The following GIN1 variants were observed in gnomAD, a reference collection of about 807,000 sequenced individuals.
GIN1 encodes the protein gypsy retrotransposon integrase-like protein 1.
In GIN1, 41 loss-of-function variants were observed where a neutral mutation model predicts 51.4. That is an observed-to-expected ratio of 0.80 (90% CI 0.62 to 1.04). The LOEUF is 1.04. Among genes scored for constraint, GIN1 ranks in the 50% least tolerant of loss-of-function variants. The pLI, the probability that GIN1 is intolerant of heterozygous loss-of-function variation, is 0.00. For synonymous variants in GIN1, 222 were observed against 206.5 expected, an observed-to-expected ratio of 1.07 and a Z score of -0.64; for missense variants, 610 against 612.4, an observed-to-expected ratio of 1.00 and a Z score of 0.04.
chr5:103,107,214 A>G lies in GIN1; in HGVS notation c.140-305T>C, dbSNP rs868911445. On this transcript the variant is annotated intron_variant, in intron 2 of 7. Coordinates refer to ENST00000399004, the MANE Select transcript of GIN1 (RefSeq NM_017676.2). ...AAATATGAAATTATCTCTCTCTGGG[A>G]GTACTCAAAGTAGGAAGATTTTGCA... Among the ~76,000 whole-genome samples the G allele has an allele frequency of 2.0e-5, 3 of 152,086 alleles. No individual in the cohort carries two copies. The South Asian group carries it at 6.2e-4, about 32-fold the overall frequency.
At chr5:103,097,282 T>C (rs1787428793) in intron 6 of GIN1, 32 bp downstream of exon 6, 5 of 1,327,736 alleles carry the variant, frequency 3.8e-6, no homozygotes, top group Non-Finnish European at 5.3e-6. Context: ...TATAAAGTTT[T>C]AGATTACAGT....
Position 103,088,005 on chromosome 5 carries a change from A to T in GIN1, c.1462T>A (p.Tyr488Asn). The T allele has an allele frequency of 1.9e-6, 3 of 1,604,168 alleles. No homozygotes were observed. Among genetic ancestry groups the T allele is most frequent in the Non-Finnish European group, 2.6e-6 (3 of 1,171,216 alleles). ...AATGGAGAGATTTTCGTATTTCTAT[A>T]TTCTAATAGTTCACGATCCTTGCTT... Reference protein sequence around the residue: ...TSSKDRELLEYRNTKISPLID... With the variant: ...TSSKDRELLENRNTKISPLID... Residue 488 changes from tyrosine to asparagine, a missense_variant, in exon 8 of 8, where the codon TAT becomes AAT. By Grantham distance (143) the Tyr-to-Asn change is moderately radical (BLOSUM62 -2). Coordinates refer to ENST00000399004, the MANE Select transcript of GIN1 (RefSeq NM_017676.2).
intron 4 of GIN1, 93 bp from the exon 5 acceptor site, chr5:103,097,874 G>T: frequency 1.7e-6 from 1 of 604,326 alleles, no homozygotes; most frequent in African/African-American, 1.9e-5. Context: ...TTAGAATCTT[G>T]CCTTTTATTT....
rs142158365 is a variant in GIN1 at position 103,091,411 on chromosome 5, T to C, written c.1295-3239A>G. ...CAGAAAAGAATATGATTAAACTTTC[T>C]GCCCTCAAAACAGAGGCGGGGAGTA... On this transcript the variant is annotated intron_variant, in intron 7 of 7. Transcript: ENST00000399004. Among the ~76,000 whole-genome samples, 372 of 152,338 alleles carry C rather than the reference T, an allele frequency of 2.4e-3. 1 individual carries two copies. Among genetic ancestry groups the C allele is most frequent in the African/African-American group, 8.5e-3 (355 of 41,574 alleles).
At chr5:103,100,092 ATT>A (rs1562329611) in intron 4 of GIN1, among the ~76,000 whole-genome samples, 2 of 151,604 alleles carry the variant, frequency 1.3e-5, no homozygotes, top group African/African-American at 4.8e-5. Flanking sequence ...GCAAATATTT[ATT>A]GTTACCCTTT....
At chr5:103,111,253 A>G (rs40322) in intron 1 of GIN1, among the ~76,000 whole-genome samples, 49,024 of 151,832 alleles carry the variant, frequency 0.32, 8,187 homozygotes, top group East Asian at 0.45. Context: ...CAATGATAAC[A>G]CATTCTTTCA....
At chr5:103,115,427 T>C (rs1466057099) in intron 1 of GIN1, among the ~76,000 whole-genome samples, 1 of 152,110 alleles carries the variant, frequency 6.6e-6, no homozygotes, top group African/African-American at 2.4e-5. Context: ...CACAAAAAGA[T>C]AAATACTGTA....
chr5:103,105,768 C>T (rs1449464143), intron 3 of GIN1, among the ~76,000 whole-genome samples: 1 of 152,120 alleles, frequency 6.6e-6, no homozygotes, highest in Non-Finnish European at 1.5e-5. Context: ...GTCACAGTTA[C>T]TTTTGATCAA....
rs1554195203 is a variant in GIN1 at position 103,097,360 on chromosome 5, T to C, written c.962A>G (p.Lys321Arg). The C allele has an allele frequency of 6.2e-7, 1 of 1,600,958 alleles. No individual in the cohort carries two copies. The highest frequency in any genetic ancestry group is 8.6e-7 in the Non-Finnish European group (1 of 1,168,664). ...SMFAKILDAI[K>R]EADKIMENKT... is the part of the protein sequence containing the mutation. ...ATTCTCCATTATTTTATCAGCTTCTTTAATTGCATCTAGAATTTTGGCAAA... is the reference window on the plus strand; with the variant it reads ...ATTCTCCATTATTTTATCAGCTTCTCTAATTGCATCTAGAATTTTGGCAAA... The change falls in exon 6 of 8, where the codon AAA becomes AGA. Residue 321 changes from lysine (K) to arginine (R), a missense_variant. Physicochemically the swap from Lys to Arg is conservative, Grantham distance 26. Coordinates refer to ENST00000399004, the MANE Select transcript of GIN1 (RefSeq NM_017676.2).
chr5:103,106,472 C>A, intron 3 of GIN1: 1 of 314,728 alleles, frequency 3.2e-6, no homozygotes. Flanking sequence ...TGATACAAAT[C>A]TGATTTTTTA....
chr5:103,100,867 T>G (rs1787552734), intron 4 of GIN1, among the ~76,000 whole-genome samples: 1 of 152,198 alleles, frequency 6.6e-6, no homozygotes, highest in African/African-American at 2.4e-5. Flanking sequence ...GGAAGTGAAC[T>G]GATATTTCAA....
intron 7 of GIN1, among the ~76,000 whole-genome samples, chr5:103,091,767 G>A (rs1398181739): frequency 2.0e-5 from 3 of 151,854 alleles, no homozygotes; most frequent in African/African-American, 7.3e-5. Context: ...GCTCACGCCT[G>A]TAATCCCAGT....
chr5:103,100,274 A>AT (rs1428959116), intron 4 of GIN1, among the ~76,000 whole-genome samples: 3 of 151,760 alleles, frequency 2.0e-5, no homozygotes, highest in Admixed American at 6.6e-5. Flanking sequence ...TAATTGTTGC[A>AT]TTTTTTGTAG....
At chr5:103,116,038 A>G (rs1486171009) in intron 1 of GIN1, among the ~76,000 whole-genome samples, 1 of 152,132 alleles carries the variant, frequency 6.6e-6, no homozygotes, top group Admixed American at 6.5e-5. Context: ...TCTGAGAAAA[A>G]GTGGGACAAA....
intron 1 of GIN1, among the ~76,000 whole-genome samples, chr5:103,113,518 C>T (rs1787941475): frequency 6.8e-6 from 1 of 147,118 alleles, no homozygotes; most frequent in Non-Finnish European, 1.5e-5. Flanking sequence ...CAAAGTTCCA[C>T]CTCTTTTTTT....
chr5:103,104,075 T>C (rs1554196016), intron 4 of GIN1, among the ~76,000 whole-genome samples: 1 of 152,144 alleles, frequency 6.6e-6, no homozygotes, highest in East Asian at 1.9e-4. Context: ...TGCCACAGCC[T>C]CCCGAGTAGC....
intron 4 of GIN1, 28 bp from the exon 5 acceptor site, chr5:103,097,809 T>A (rs1554195322): frequency 1.0e-6 from 1 of 960,764 alleles, no homozygotes; most frequent in Admixed American, 2.5e-5. Context: ...CAAAGGTGGC[T>A]TTTTAAAATT....
chr5:103,091,155 T>C (rs1172757054), intron 7 of GIN1, among the ~76,000 whole-genome samples: 1 of 152,208 alleles, frequency 6.6e-6, no homozygotes, highest in African/African-American at 2.4e-5. Context: ...CTAAGAGAAA[T>C]GCTCTTTAAT....
intron 1 of GIN1, among the ~76,000 whole-genome samples, chr5:103,117,903 C>T (rs1353419272): frequency 6.6e-6 from 1 of 152,084 alleles, no homozygotes; most frequent in Non-Finnish European, 1.5e-5. Context: ...CGCTTTTCCC[C>T]CCTGCTATAC....
Sources: gnomAD v4.1 joint callset for allele counts (sites outside exome capture counted in the v4.1 genomes callset) on GRCh38, gnomAD v4.1.1 for gene constraint, MANE v1.5 for transcripts, NCBI Gene and HGNC (gene_info 2026-07-23, HGNC 2026-07-21) for gene names.